Variants in OPHN1 observed in about 807,000 individuals in gnomAD.
The protein encoded by OPHN1 is oligophrenin-1.
OPHN1 carries 11 observed loss-of-function variants against 60.7 expected under a neutral mutation model. The observed-to-expected ratio is 0.18, with a 90% CI of 0.11 to 0.30. OPHN1 has a LOEUF of 0.30. Ranked by LOEUF, OPHN1 falls within the 10% of genes least tolerant of loss-of-function variation. The pLI is 1.00. For synonymous variants in OPHN1, 226 were observed against 222.6 expected (o/e 1.02, Z -0.14); for missense variants, 449 against 611.0 (o/e 0.73, Z 2.80).
At chrX:68,167,849 A>T (rs1247140106) in intron 15 of OPHN1, among the ~76,000 whole-genome samples, 1 of 110,669 alleles carries the variant, frequency 9.0e-6, no homozygotes, top group Non-Finnish European at 1.9e-5. Flanking sequence ...ATCCATCAAC[A>T]GATGAATGGA....
chrX:68,337,117 TGAAAA>T (rs1382440368), intron 2 of OPHN1, among the ~76,000 whole-genome samples: 1 of 110,133 alleles, frequency 9.1e-6, no homozygotes, highest in African/African-American at 3.3e-5. Context: ...CAAAAACAAA[TGAAAA>T]GAACCAGAAA....
At chrX:68,238,867 G>A (rs938100183) in intron 5 of OPHN1, among the ~76,000 whole-genome samples, 4 of 111,269 alleles carry the variant, frequency 3.6e-5, no homozygotes, top group African/African-American at 9.8e-5. Context: ...GTGGGCGTGC[G>A]TTACAGTGTG....
rs145957217 is a variant in OPHN1, at chrX:68,343,670, C to T, written c.155-44574G>A. On this transcript the variant is annotated intron_variant, in intron 2 of 24. Transcript: ENST00000355520. The stretch of plus-strand genomic sequence containing the variant: ...GAGGATAAGAATACCTAAAAAGTCT[C>T]CTTAAGGGGATGATAATGAAAAAAA... Among the ~76,000 whole-genome samples, 752 of 109,625 alleles carry T rather than the reference C, an allele frequency of 6.9e-3. 4 individuals are homozygous for T. Among genetic ancestry groups the T allele is most frequent in the Non-Finnish European group, 8.3e-3 (437 of 52,665 alleles).
rs1329569405 is a variant in OPHN1, at chrX:68,258,244, TTTTA to T, written c.384+16490_384+16493del. 1.6e-4 allele frequency among the ~76,000 whole-genome samples: 18 copies of T among 110,792 alleles called. No homozygotes were observed. The Admixed American group carries it at 1.7e-3, about 11-fold the overall frequency. ...TTCAGGCTAAATGTGGCCATTATTC[TTTTA>T]TTTATTTATTTTTTTATTTATTTAA... On this transcript the variant is annotated intron_variant, in intron 5 of 24. Transcript: ENST00000355520.
chrX:68,387,164 T>C (rs983905241), intron 2 of OPHN1, among the ~76,000 whole-genome samples: 1 of 102,412 alleles, frequency 9.8e-6, no homozygotes, highest in Non-Finnish European at 2.0e-5. Flanking sequence ...TTTTCTCTTC[T>C]CTTCCCTTCT....
At chrX:68,394,187 G>A (rs1291864698) in intron 2 of OPHN1, among the ~76,000 whole-genome samples, 2 of 110,299 alleles carry the variant, frequency 1.8e-5, no homozygotes, top group Admixed American at 9.8e-5. Context: ...GAGCCACCGC[G>A]CCCGGCCTGA....
intron 15 of OPHN1, among the ~76,000 whole-genome samples, chrX:68,190,422 C>T (rs1355356913): frequency 8.9e-6 from 1 of 112,107 alleles, no homozygotes; most frequent in African/African-American, 3.2e-5. Flanking sequence ...ATCGGGGTTG[C>T]CACTTTCATA....
At chrX:68,100,699 T>C (rs1277012599) in intron 18 of OPHN1, among the ~76,000 whole-genome samples, 2 of 111,334 alleles carry the variant, frequency 1.8e-5, no homozygotes, top group African/African-American at 3.3e-5. Context: ...AGCAAACAGG[T>C]CCCTATCCCC....
At chrX:68,393,894 T>TTTTTG (rs2078667901) in intron 2 of OPHN1, among the ~76,000 whole-genome samples, 2 of 69,354 alleles carry the variant, frequency 2.9e-5, no homozygotes, top group Non-Finnish European at 5.7e-5. Flanking sequence ...TGTTTTTTTT[T>TTTTTG]TTTTTTTTTT....
At chrX:68,154,851 A>G (rs1019050725) in intron 15 of OPHN1, among the ~76,000 whole-genome samples, 1 of 77,961 alleles carries the variant, frequency 1.3e-5, no homozygotes, top group East Asian at 4.1e-4. Context: ...TAGCAGAACA[A>G]TAGTACACAC....
At chrX:68,168,742 T>C (rs1341113050) in intron 15 of OPHN1, among the ~76,000 whole-genome samples, 18 of 111,255 alleles carry the variant, frequency 1.6e-4, no homozygotes, top group African/African-American at 4.9e-4. Flanking sequence ...ATCAACAAAA[T>C]TGATAGACCA....
intron 21 of OPHN1, among the ~76,000 whole-genome samples, chrX:68,057,963 T>G (rs2076879388): frequency 9.0e-6 from 1 of 111,488 alleles, no homozygotes; most frequent in Non-Finnish European, 1.9e-5. Flanking sequence ...AGCCTCTATC[T>G]CTCCCAGCTG....
At chrX:68,161,178 T>C (rs2077332743) in intron 15 of OPHN1, among the ~76,000 whole-genome samples, 1 of 110,257 alleles carries the variant, frequency 9.1e-6, no homozygotes, top group Admixed American at 9.7e-5. Flanking sequence ...GCTAAGAAAA[T>C]AGACTCAAAA....
At chrX:68,325,338 C>G (rs1036547458) in intron 2 of OPHN1, among the ~76,000 whole-genome samples, 1 of 107,233 alleles carries the variant, frequency 9.3e-6, no homozygotes, top group African/African-American at 3.4e-5. Context: ...GTCTAGTTGC[C>G]GGGATAGACA....
At chrX:68,275,140 G>A (rs767358148) in intron 4 of OPHN1, among the ~76,000 whole-genome samples, 1 of 112,258 alleles carries the variant, frequency 8.9e-6, no homozygotes, top group Non-Finnish European at 1.9e-5. Flanking sequence ...GAAAGAGAAT[G>A]GCAAATACAA....
At chrX:68,173,535 A>G (rs1282146348) in intron 15 of OPHN1, among the ~76,000 whole-genome samples, 1 of 111,531 alleles carries the variant, frequency 9.0e-6, no homozygotes, top group East Asian at 2.8e-4. Flanking sequence ...TAGGCATCAT[A>G]CCATCTGCCA....
chrX:68,366,954 A>G (rs2078501712), intron 2 of OPHN1, among the ~76,000 whole-genome samples: 1 of 111,726 alleles, frequency 9.0e-6, no homozygotes, highest in African/African-American at 3.3e-5. Context: ...GAGTGGAGCC[A>G]GGACGCTACT....
chrX:68,272,829 C>T (rs777652857), intron 5 of OPHN1, among the ~76,000 whole-genome samples: 1 of 112,546 alleles, frequency 8.9e-6, no homozygotes, highest in South Asian at 3.7e-4. Flanking sequence ...CATATCCTTA[C>T]TTTCCTAGTG....
At chrX:68,054,565 CA>C (rs913760355) in intron 21 of OPHN1, among the ~76,000 whole-genome samples, 2 of 108,964 alleles carry the variant, frequency 1.8e-5, no homozygotes, top group African/African-American at 3.3e-5. Context: ...GGCAAAAAAA[CA>C]AAAAAACAAA....
Sources: allele counts gnomAD v4.1 joint callset (sites outside exome capture counted in the v4.1 genomes callset), GRCh38; gene constraint gnomAD v4.1.1; transcripts MANE v1.5; gene names NCBI Gene and HGNC (gene_info 2026-07-23, HGNC 2026-07-21).